Variants in MGST3 observed in about 807,000 individuals in gnomAD.
MGST3 encodes microsomal glutathione S-transferase 3, also known as glutathione S-transferase 3, mitochondrial.
MGST3 carries 13 observed loss-of-function variants against 15.8 expected under a neutral mutation model. The observed-to-expected ratio is 0.82, with a 90% CI of 0.54 to 1.31. The LOEUF is 1.31. Ranked by LOEUF, MGST3 falls within the 50% of genes most tolerant of loss-of-function variation. The pLI is 0.00. For synonymous variants in MGST3, 49 were observed against 68.1 expected (o/e 0.72, Z 1.38); for missense variants, 155 against 192.4 (o/e 0.81, Z 1.15).
intron 4 of MGST3, among the ~76,000 whole-genome samples, chr1:165,652,353 G>T (rs7527279): frequency 0.74 from 112,588 of 152,128 alleles, 42,412 homozygotes; most frequent in East Asian, 0.96. Context: ...ATTTGTTATA[G>T]TAATTCATTC....
chr1:165,634,022 A>G (rs530102186), intron 1 of MGST3, among the ~76,000 whole-genome samples: 41 of 147,296 alleles, frequency 2.8e-4, no homozygotes, highest in Admixed American at 2.3e-3. Context: ...AACTTTCCCA[A>G]AGTTTTTTTT....
intron 1 of MGST3, among the ~76,000 whole-genome samples, chr1:165,644,686 CT>C (rs1411247842): frequency 2.0e-5 from 3 of 152,288 alleles, no homozygotes; most frequent in Non-Finnish European, 4.4e-5. Context: ...ACTTTTGAAT[CT>C]TTTGTGACAA....
chr1:165,655,587 A>G lies in MGST3; in HGVS notation c.*83A>G. ...GTTACATTTTTTTTCTAAATATAAT[A>G]AAAACTTACCTGGCATCAGCCTCAT... On this transcript the variant is annotated 3_prime_UTR_variant, in exon 6 of 6. Transcript: ENST00000367889. The G allele has an allele frequency of 6.5e-7, 1 of 1,539,840 alleles. No individual in the cohort carries two copies. The highest frequency in any genetic ancestry group is 1.8e-5 in the Admixed American group (1 of 55,914).
chr1:165,644,053 T>TAAAA (rs61624530), intron 1 of MGST3, among the ~76,000 whole-genome samples: 67 of 136,654 alleles, frequency 4.9e-4, no homozygotes, highest in African/African-American at 7.4e-4. Flanking sequence ...GACCCTGTGT[T>TAAAA]AAAAAAAAAA....
rs150882754 is a variant in MGST3, at chr1:165,654,809, C to T, written c.322+458C>T. Among the ~76,000 whole-genome samples, 85 of 152,208 alleles carry T rather than the reference C, an allele frequency of 5.6e-4. 1 individual carries two copies. In the East Asian group the frequency reaches 0.01, roughly 19 times the overall value. On this transcript the variant is annotated intron_variant, in intron 5 of 5. Transcript: ENST00000367889. ...CTTTTTATTAATCTTTCAATTGTAACGAAACTTATTTTTATTGAGCATTTT... is the reference window on the plus strand; with the variant it reads ...CTTTTTATTAATCTTTCAATTGTAATGAAACTTATTTTTATTGAGCATTTT...
rs1484623353 is a variant in MGST3, at chr1:165,655,951, T to TACA, written c.*451_*453dup. 1 of 213,272 alleles carries TACA rather than the reference T, an allele frequency of 4.7e-6. No individual in the cohort carries two copies. The highest frequency in any genetic ancestry group is 9.5e-6 in the Non-Finnish European group (1 of 105,668). 13.2% of individuals were successfully genotyped at this position (213,272 alleles called of 1,614,324 possible). Reference sequence around the variant, plus strand: ...AAAACCCCATCTCTACAAAAAAATATACAACAGTTAGCCAGGCATGATGGC... The same window carrying TACA: ...AAAACCCCATCTCTACAAAAAAATATACAACAACAGTTAGCCAGGCATGATGGC... On this transcript the variant is annotated 3_prime_UTR_variant, in exon 6 of 6. Transcript: ENST00000367889.
intron 4 of MGST3, among the ~76,000 whole-genome samples, chr1:165,652,633 A>T (rs923192127): frequency 7.2e-5 from 11 of 152,332 alleles, no homozygotes; most frequent in African/African-American, 2.6e-4. Context: ...AAGCAAGTAT[A>T]AAAGGAGGTG....
rs948661072 is a variant in MGST3, at chr1:165,655,683, C to G, written c.*179C>G. The G allele has an allele frequency of 2.8e-6, 2 of 719,564 alleles. No individual in the cohort carries two copies. The highest frequency in any genetic ancestry group is 5.5e-5 in the Admixed American group (2 of 36,176). The allele number at this position is 719,564 out of a possible 1,614,324, so 44.6% of individuals were successfully genotyped here. ...ATCTGAAATCAGTAGCCTAGTCCTACTAGATGAGAAAGGAGCCACAAGTAT... is the reference window on the plus strand; with the variant it reads ...ATCTGAAATCAGTAGCCTAGTCCTAGTAGATGAGAAAGGAGCCACAAGTAT... On this transcript the variant is annotated 3_prime_UTR_variant, in exon 6 of 6. Transcript: ENST00000367889.
In MGST3 at chr1:165,654,355, A is replaced by G. The variant is rs762463466; in HGVS notation, c.322+4A>G. The G allele has an allele frequency of 1.2e-6, 2 of 1,613,470 alleles. No individual in the cohort carries two copies. Among genetic ancestry groups the G allele is most frequent in the Non-Finnish European group, 1.7e-6 (2 of 1,179,410 alleles). Reference sequence around the variant, plus strand: ...GCTTATGGCTATTACACGGGAGGTTAGTATATATTGACATTTGCCAAGGAA... The same window carrying G: ...GCTTATGGCTATTACACGGGAGGTTGGTATATATTGACATTTGCCAAGGAA... On this transcript the variant is annotated splice_donor_region_variant and intron_variant, in intron 5 of 5. Coordinates refer to ENST00000367889, the MANE Select transcript of MGST3 (RefSeq NM_004528.4).
At chr1:165,654,139 AC>A in intron 4 of MGST3, 139 bp from the exon 5 acceptor site, 1 of 778,930 alleles carries the variant, frequency 1.3e-6, no homozygotes, top group Non-Finnish European at 2.3e-6. Flanking sequence ...ACTTAATTCT[AC>A]CTAATTTGCG....
chr1:165,643,194 C>T (rs912564955), intron 1 of MGST3, among the ~76,000 whole-genome samples: 1 of 151,818 alleles, frequency 6.6e-6, no homozygotes, highest in Non-Finnish European at 1.5e-5. Flanking sequence ...CTGTTTTAAC[C>T]TCTTTAATAT....
chr1:165,655,592 C>CT lies in MGST3; in HGVS notation c.*90dup. Reference sequence around the variant, plus strand: ...ATTTTTTTTCTAAATATAATAAAAACTTACCTGGCATCAGCCTCATACCTA... The same window carrying CT: ...ATTTTTTTTCTAAATATAATAAAAACTTTACCTGGCATCAGCCTCATACCTA... On this transcript the variant is annotated 3_prime_UTR_variant, in exon 6 of 6. Transcript: ENST00000367889. 10 of 1,510,124 alleles carry CT rather than the reference C, an allele frequency of 6.6e-6. No individual in the cohort carries two copies. Among genetic ancestry groups the CT allele is most frequent in the Non-Finnish European group, 8.1e-6 (9 of 1,105,378 alleles). The allele number at this position is 1,510,124 out of a possible 1,614,324, so 93.5% of individuals were successfully genotyped here. A position where few individuals can be genotyped will look rare whatever the true frequency, so the allele number is the denominator to read the frequency against.
At chr1:165,641,441 C>A (rs537872705) in intron 1 of MGST3, among the ~76,000 whole-genome samples, 1 of 152,282 alleles carries the variant, frequency 6.6e-6, no homozygotes, top group Admixed American at 6.5e-5. Context: ...ATTAGACCAG[C>A]CTTTTGCCAA....
At chr1:165,639,161 A>G (rs917574349) in intron 1 of MGST3, among the ~76,000 whole-genome samples, 6 of 152,192 alleles carry the variant, frequency 3.9e-5, no homozygotes, top group African/African-American at 1.4e-4. Flanking sequence ...CTCCTGGAGT[A>G]GAAGCCTGTG....
At chr1:165,647,839 C>T (rs994899822) in intron 1 of MGST3, 1 of 152,164 alleles carries the variant, frequency 6.6e-6, no homozygotes, top group Non-Finnish European at 1.5e-5. Context: ...CCTCCCACTT[C>T]AGCCTCCTGA....
chr1:165,645,046 C>T (rs1247296648), intron 1 of MGST3, among the ~76,000 whole-genome samples: 1 of 152,102 alleles, frequency 6.6e-6, no homozygotes, highest in African/African-American at 2.4e-5. Context: ...CAGGTGTGAG[C>T]CACCATGCCC....
intron 2 of MGST3, chr1:165,650,520 C>A (rs1384812932): frequency 1.6e-5 from 3 of 187,714 alleles, no homozygotes; most frequent in South Asian, 1.0e-4. Flanking sequence ...TAATTAAACT[C>A]CCTTACTAGA....
intron 1 of MGST3, among the ~76,000 whole-genome samples, chr1:165,643,233 A>G (rs1436044992): frequency 6.6e-6 from 1 of 152,130 alleles, no homozygotes; most frequent in Non-Finnish European, 1.5e-5. Flanking sequence ...ACAGTTGTAT[A>G]ATGTTCTATT....
chr1:165,635,230 C>T (rs1180419073), intron 1 of MGST3, among the ~76,000 whole-genome samples: 2 of 152,096 alleles, frequency 1.3e-5, no homozygotes, highest in Admixed American at 6.5e-5. Flanking sequence ...AGGTATCTCC[C>T]ACAGAACCTT....
Sources: allele counts gnomAD v4.1 joint callset (sites outside exome capture counted in the v4.1 genomes callset), GRCh38; gene constraint gnomAD v4.1.1; transcripts MANE v1.5; gene names NCBI Gene and HGNC (gene_info 2026-07-23, HGNC 2026-07-21).